Variants in ESRRG observed in about 807,000 individuals in gnomAD.
The protein encoded by ESRRG is estrogen related receptor gamma.
ESRRG carries 13 observed loss-of-function variants against 44.0 expected under a neutral mutation model. That is an observed-to-expected ratio of 0.30 (90% CI 0.19 to 0.47). The LOEUF is 0.47. Among genes scored for constraint, ESRRG ranks in the 20% least tolerant of loss-of-function variants. The pLI is 1.00. For synonymous variants in ESRRG, 215 were observed against 214.6 expected (o/e 1.00, Z -0.02); for missense variants, 395 against 580.6 (o/e 0.68, Z 3.29).
chr1:216,696,287 G>A (rs1454812609), intron 1 of ESRRG, among the ~76,000 whole-genome samples: 1 of 152,140 alleles, frequency 6.6e-6, no homozygotes, highest in Admixed American at 6.6e-5. Context: ...ACTACAAAAT[G>A]CTGTACCTCA....
In ESRRG at chr1:216,506,883, T is replaced by C; in HGVS notation, c.*56A>G. 3.2e-6 allele frequency: 5 copies of C among 1,571,028 alleles called. No homozygotes were observed. The highest frequency in any genetic ancestry group is 4.3e-6 in the Non-Finnish European group (5 of 1,160,604). On this transcript the variant is annotated 3_prime_UTR_variant, in exon 7 of 7. Coordinates refer to ENST00000408911, the MANE Select transcript of ESRRG (RefSeq NM_001438.4). ...CTCTAAGTTTCTTCGACATCACTCT[T>C]GGGTTTATTTTCCCTTTTTCAACAT...
At chr1:216,732,381 AT>A (rs5780915) in intron 2 of ESRRG, among the ~76,000 whole-genome samples, 9,179 of 145,412 alleles carry the variant, frequency 0.063, 347 homozygotes, top group African/African-American at 0.091. Context: ...GGATTTATTG[AT>A]TTTTTTTTTT....
intron 2 of ESRRG, among the ~76,000 whole-genome samples, chr1:216,930,411 ACT>A (rs2063180731): frequency 6.6e-6 from 1 of 151,710 alleles, no homozygotes; most frequent in Non-Finnish European, 1.5e-5. Context: ...ATTTAGAATT[ACT>A]CTCTCCTCAA....
chr1:216,682,542 A>G (rs2151583033), intron 1 of ESRRG, among the ~76,000 whole-genome samples: 1 of 152,320 alleles, frequency 6.6e-6, no homozygotes, highest in Non-Finnish European at 1.5e-5. Flanking sequence ...AGAATCACAG[A>G]ATTTCAGGGA....
intron 2 of ESRRG, among the ~76,000 whole-genome samples, chr1:216,729,294 A>G (rs563411219): frequency 4.5e-4 from 69 of 152,312 alleles, no homozygotes; most frequent in African/African-American, 1.5e-3. Flanking sequence ...TACACCCTCA[A>G]TAGTGCCCCC....
intron 2 of ESRRG, among the ~76,000 whole-genome samples, chr1:216,802,272 TC>T (rs1272098724): frequency 2.0e-5 from 3 of 152,034 alleles, no homozygotes; most frequent in Non-Finnish European, 4.4e-5. Context: ...ATGCACATCT[TC>T]CCAAGAAAAT....
At chr1:216,911,358 C>T (rs12568315) in intron 2 of ESRRG, among the ~76,000 whole-genome samples, 13,628 of 152,038 alleles carry the variant, frequency 0.09, 934 homozygotes, top group East Asian at 0.21. Context: ...CCTTAAATGG[C>T]ACACATCATA....
chr1:217,004,773 A>G (rs1285385194), intron 1 of ESRRG, among the ~76,000 whole-genome samples: 2 of 152,156 alleles, frequency 1.3e-5, no homozygotes, highest in Admixed American at 1.3e-4. Context: ...ATGCTGCTTG[A>G]CACATTATAT....
At chr1:217,088,398 CTTTTTTTTTTTTT>C (rs71585811) in intron 1 of ESRRG, among the ~76,000 whole-genome samples, 1 of 59,738 alleles carries the variant, frequency 1.7e-5, no homozygotes, top group Admixed American at 2.4e-4. Flanking sequence ...TTTTTCCTGT[CTTTTTTTTTTTTT>C]TTTTTTTTTT....
chr1:216,616,833 G>A (rs1336013148), intron 3 of ESRRG, among the ~76,000 whole-genome samples: 1 of 152,148 alleles, frequency 6.6e-6, no homozygotes, highest in Non-Finnish European at 1.5e-5. Flanking sequence ...TAGGGTGGCA[G>A]AAATATTATT....
At chr1:216,730,366 A>G (rs1200646445) in intron 2 of ESRRG, among the ~76,000 whole-genome samples, 1 of 152,124 alleles carries the variant, frequency 6.6e-6, no homozygotes, top group African/African-American at 2.4e-5. Flanking sequence ...ACATAGTTAA[A>G]AAGAATTGGG....
intron 3 of ESRRG, among the ~76,000 whole-genome samples, chr1:216,646,589 C>T (rs962315676): frequency 5.9e-5 from 9 of 152,158 alleles, no homozygotes; most frequent in Non-Finnish European, 1.3e-4. Flanking sequence ...CTGTCTCTGG[C>T]CACAGTAGCT....
intron 4 of ESRRG, among the ~76,000 whole-genome samples, chr1:216,564,983 C>T (rs563444017): frequency 1.3e-5 from 2 of 152,124 alleles, no homozygotes; most frequent in Non-Finnish European, 2.9e-5. Context: ...TCCCCACACA[C>T]CCAGCCAGTC....
intron 2 of ESRRG, among the ~76,000 whole-genome samples, chr1:216,835,366 A>G (rs958302631): frequency 6.6e-6 from 1 of 152,230 alleles, no homozygotes; most frequent in Non-Finnish European, 1.5e-5. Flanking sequence ...GAGGTACAGA[A>G]ACATCTGGAC....
At chr1:216,869,663 T>C (rs2096230968) in intron 2 of ESRRG, among the ~76,000 whole-genome samples, 1 of 152,070 alleles carries the variant, frequency 6.6e-6, no homozygotes, top group South Asian at 2.1e-4. Context: ...CTTTGTTGAA[T>C]CTTCTGATTC....
intron 1 of ESRRG, among the ~76,000 whole-genome samples, chr1:217,019,954 C>T (rs547495377): frequency 6.6e-6 from 1 of 152,144 alleles, no homozygotes; most frequent in Non-Finnish European, 1.5e-5. Context: ...GGAGTTAGGG[C>T]ATGGTACTTT....
chr1:216,900,783 A>G (rs868355830), intron 2 of ESRRG, among the ~76,000 whole-genome samples: 4 of 152,172 alleles, frequency 2.6e-5, no homozygotes, highest in African/African-American at 2.4e-5. Flanking sequence ...TACATTTACT[A>G]TATCTGTATC....
intron 1 of ESRRG, among the ~76,000 whole-genome samples, chr1:216,945,900 T>A (rs2065982627): frequency 2.0e-5 from 3 of 152,136 alleles, no homozygotes; most frequent in African/African-American, 7.2e-5. Context: ...TCAGTTCTGT[T>A]TTTTTGGCAG....
chr1:216,969,023 C>G (rs1275951332), intron 1 of ESRRG, among the ~76,000 whole-genome samples: 3 of 152,168 alleles, frequency 2.0e-5, no homozygotes. Context: ...TGCTTCCACT[C>G]TTTCTAGACT....
Sources: gnomAD v4.1 joint callset for allele counts (sites outside exome capture counted in the v4.1 genomes callset) on GRCh38, gnomAD v4.1.1 for gene constraint, MANE v1.5 for transcripts, NCBI Gene and HGNC (gene_info 2026-07-23, HGNC 2026-07-21) for gene names.